FAM222A: variants seen among roughly 807,000 people sequenced by gnomAD.
FAM222A encodes the protein protein FAM222A.
Under a neutral mutation model 25.8 loss-of-function variants are expected in FAM222A, and 7 were observed. The ratio of observed to expected loss-of-function variants is 0.27; its 90% CI spans 0.15 to 0.51. The LOEUF is 0.51. Among genes scored for constraint, FAM222A ranks in the 20% least tolerant of loss-of-function variants. The probability of loss-of-function intolerance (pLI) is 0.97; values close to 1 mark genes in which losing one functional copy is unlikely to be tolerated. For missense variants in FAM222A, 573 were observed against 640.5 expected (o/e 0.89, Z 1.14); for synonymous variants, 294 against 298.8 (o/e 0.98, Z 0.17).
At position 109,714,679 on chromosome 12, in the gene FAM222A, C is replaced by T. The variant is rs1861815; in HGVS notation, c.-265C>T. The stretch of plus-strand genomic sequence containing the variant: ...CCCCCGTCCGGGGCGGGCGTGACCC[C>T]TGCTGAACGGAGACCTCCCCTCCCC... On this transcript the variant is annotated 5_prime_UTR_variant, in exon 1 of 3. Coordinates refer to ENST00000538780, the MANE Select transcript of FAM222A (RefSeq NM_032829.3). The surrounding 1 kb of genome is among the most constrained non-coding windows in gnomAD (Gnocchi z 4.2). The T allele has an allele frequency of 0.15, 22,686 of 152,136 alleles. 2,827 individuals carry two copies. The highest frequency in any genetic ancestry group is 0.42 in the East Asian group (2,159 of 5,128). 9.4% of individuals were successfully genotyped at this position (152,136 alleles called of 1,614,324 possible). A position where few individuals can be genotyped will look rare whatever the true frequency, so the allele number is the denominator to read the frequency against.
At chr12:109,744,958 A>G (rs893285823) in intron 2 of FAM222A, among the ~76,000 whole-genome samples, 6 of 151,762 alleles carry the variant, frequency 4.0e-5, no homozygotes, top group African/African-American at 1.5e-4. Flanking sequence ...ACCCCTCCCT[A>G]TTGCTTCTGT....
intron 1 of FAM222A, among the ~76,000 whole-genome samples, chr12:109,736,215 C>T (rs1177108885): frequency 2.0e-5 from 3 of 152,198 alleles, no homozygotes; most frequent in Non-Finnish European, 4.4e-5. Context: ...TCTGTTTGCT[C>T]CTCTCTCTCA....
chr12:109,743,620 CCAGTACTT>C (rs1334168754), intron 1 of FAM222A, among the ~76,000 whole-genome samples: 3 of 152,332 alleles, frequency 2.0e-5, no homozygotes, highest in African/African-American at 7.2e-5. Flanking sequence ...GGGAGACAGA[CCAGTACTT>C]CAGTAACCTG....
rs1017629701 is a variant in FAM222A at position 109,767,445 on chromosome 12, A to G, written c.83-567A>G. On this transcript the variant is annotated intron_variant, in intron 2 of 2. Coordinates refer to ENST00000538780, the MANE Select transcript of FAM222A (RefSeq NM_032829.3). ...TAGGAGGTCGAGGCTGTAGTGAGCCATGACTGCACCACTGCACTCCAGCCT... is the reference window on the plus strand; with the variant it reads ...TAGGAGGTCGAGGCTGTAGTGAGCCGTGACTGCACCACTGCACTCCAGCCT... 2.6e-5 allele frequency among the ~76,000 whole-genome samples: 4 copies of G among 152,186 alleles called. 1 individual carries two copies. The highest frequency in any genetic ancestry group is 2.6e-4 in the Admixed American group (4 of 15,282).
At chr12:109,732,457 C>T (rs532868290) in intron 1 of FAM222A, among the ~76,000 whole-genome samples, 2 of 152,354 alleles carry the variant, frequency 1.3e-5, no homozygotes, top group East Asian at 1.9e-4. Context: ...CCTGCCCGGC[C>T]GCCTGCCCAG....
chr12:109,742,795 C>T (rs1397674898), intron 1 of FAM222A, among the ~76,000 whole-genome samples: 1 of 151,998 alleles, frequency 6.6e-6, no homozygotes, highest in Non-Finnish European at 1.5e-5. Context: ...GAGGCTGCAA[C>T]CGTCTCCGGG....
chr12:109,768,097 C>T lies in FAM222A; in HGVS notation c.168C>T (p.Ser56=). The change falls in exon 3 of 3, where the codon AGC becomes AGT. Residue 56 remains serine, a synonymous_variant. Coordinates refer to ENST00000538780, the MANE Select transcript of FAM222A (RefSeq NM_032829.3). ...CCTATGCCGAGAAGGTGGCCAACAGCCCGCTGTCCATCAAGATCTTCCCCA... is the reference window on the plus strand; with the variant it reads ...CCTATGCCGAGAAGGTGGCCAACAGTCCGCTGTCCATCAAGATCTTCCCCA... ...LDAYAEKVAN[S]PLSIKIFPTN... is the part of the protein sequence containing the mutation. 1 of 1,613,990 alleles carries T rather than the reference C, an allele frequency of 6.2e-7. No homozygotes were observed. Among genetic ancestry groups the T allele is most frequent in the South Asian group, 1.1e-5 (1 of 91,078 alleles).
chr12:109,725,175 C>T (rs1031660061), intron 1 of FAM222A, among the ~76,000 whole-genome samples: 1 of 152,144 alleles, frequency 6.6e-6, no homozygotes, highest in Non-Finnish European at 1.5e-5. Context: ...GGAGCTTGGC[C>T]AAGGTTACAC....
intron 2 of FAM222A, among the ~76,000 whole-genome samples, chr12:109,745,331 A>T (rs1888369865): frequency 6.6e-6 from 1 of 152,164 alleles, no homozygotes; most frequent in African/African-American, 2.4e-5. Context: ...TTTCTCTAGC[A>T]GGGGTGGCCC....
chr12:109,740,486 G>A (rs1010895460), intron 1 of FAM222A, among the ~76,000 whole-genome samples: 4 of 152,158 alleles, frequency 2.6e-5, no homozygotes, highest in African/African-American at 7.2e-5. Context: ...GGCCAGGGGG[G>A]TAATGAGTCC....
At chr12:109,744,046 G>A in intron 1 of FAM222A, 55 bp from the exon 2 acceptor site, 2 of 1,488,866 alleles carry the variant, frequency 1.3e-6, no homozygotes, top group Non-Finnish European at 1.8e-6. Context: ...GGAATGGTGG[G>A]AGGCGAACAC....
At chr12:109,763,052 G>C (rs1592800390) in intron 2 of FAM222A, among the ~76,000 whole-genome samples, 2 of 152,214 alleles carry the variant, frequency 1.3e-5, no homozygotes, top group South Asian at 2.1e-4. Flanking sequence ...CTGCCTCCCT[G>C]GGTGGCCTCC....
intron 2 of FAM222A, among the ~76,000 whole-genome samples, chr12:109,750,430 C>T (rs1888530365): frequency 6.6e-6 from 1 of 152,152 alleles, no homozygotes; most frequent in South Asian, 2.1e-4. Context: ...CTTTGGGAGG[C>T]CAAGGTGGGA....
intron 1 of FAM222A, among the ~76,000 whole-genome samples, chr12:109,718,264 C>T (rs1887681426): frequency 6.6e-6 from 1 of 152,208 alleles, no homozygotes. Flanking sequence ...ACTCTACCAG[C>T]TATCTCTGCC....
rs1754422704 is a variant in FAM222A, at chr12:109,714,725, G to T, written c.-219G>T. 6.6e-6 allele frequency: 1 copy of T among 152,310 alleles called. No individual in the cohort carries two copies. The highest frequency in any genetic ancestry group is 6.5e-5 in the Admixed American group (1 of 15,294). 9.4% of individuals were successfully genotyped at this position (152,310 alleles called of 1,614,324 possible). ...TCCCCCCCGACTTCGGACGGCGCAG[G>T]CCGGCGCCAGGATAGCCCTCACCGA... On this transcript the variant is annotated 5_prime_UTR_variant, in exon 1 of 3. Coordinates refer to ENST00000538780, the MANE Select transcript of FAM222A (RefSeq NM_032829.3). The surrounding 1 kb of genome is among the most constrained non-coding windows in gnomAD (Gnocchi z 4.2).
chr12:109,748,330 C>CTT (rs1410740242), intron 2 of FAM222A, among the ~76,000 whole-genome samples: 5 of 40,446 alleles, frequency 1.2e-4, no homozygotes, highest in African/African-American at 2.6e-4. Context: ...CTTTGGTTTT[C>CTT]TTTCTTTTTT....
In FAM222A at chr12:109,760,274, C is replaced by T. The variant is rs551064173; in HGVS notation, c.83-7738C>T. Among the ~76,000 whole-genome samples the T allele has an allele frequency of 8.5e-5, 13 of 152,292 alleles. No individual in the cohort carries two copies. In the South Asian group the frequency reaches 1.4e-3, roughly 17 times the overall value. On this transcript the variant is annotated intron_variant, in intron 2 of 2. Transcript: ENST00000538780. ...GGGGCAGGGGAAACACATACAGACC[C>T]GGAGAGCAGTCTGTTCAGGTGGTCA...
chr12:109,744,735 G>A lies in FAM222A; in HGVS notation c.82+507G>A, dbSNP rs1448968376. On this transcript the variant is annotated intron_variant, in intron 2 of 2. Coordinates refer to ENST00000538780, the MANE Select transcript of FAM222A (RefSeq NM_032829.3). The stretch of plus-strand genomic sequence containing the variant: ...CTAGGACCAGGATCTGAAACGCTCT[G>A]ATTTGGTTATTTTTAGCTATCATAA... 3.0e-6 allele frequency: 3 copies of A among 985,284 alleles called. No individual in the cohort carries two copies. The African/African-American group carries it at 5.2e-5, about 17-fold the overall frequency. 61.0% of individuals were successfully genotyped at this position (985,284 alleles called of 1,614,324 possible). A position where few individuals can be genotyped will look rare whatever the true frequency, so the allele number is the denominator to read the frequency against.
intron 1 of FAM222A, among the ~76,000 whole-genome samples, chr12:109,738,456 G>T (rs7973101): frequency 1.3e-5 from 2 of 152,058 alleles, no homozygotes; most frequent in African/African-American, 2.4e-5. Context: ...GCCAGGCAGC[G>T]TGAAGAGACT....
Sources: allele counts gnomAD v4.1 joint callset (sites outside exome capture counted in the v4.1 genomes callset), GRCh38; gene constraint gnomAD v4.1.1; non-coding constraint Gnocchi (gnomAD v3.1); transcripts MANE v1.5; gene names NCBI Gene and HGNC (gene_info 2026-07-23, HGNC 2026-07-21).